The following BRCC3 variants were observed in gnomAD, a reference collection of about 807,000 sequenced individuals.
The protein encoded by BRCC3 is lys-63-specific deubiquitinase BRCC36.
Under a neutral mutation model 28.0 loss-of-function variants are expected in BRCC3, and 15 were observed. That is an observed-to-expected ratio of 0.54 (90% CI 0.36 to 0.82). The LOEUF is 0.82. Ranked by LOEUF, BRCC3 falls within the 40% of genes least tolerant of loss-of-function variation. The pLI, the probability that BRCC3 is intolerant of heterozygous loss-of-function variation, is 0.01. For synonymous variants in BRCC3, 66 were observed against 80.3 expected, an observed-to-expected ratio of 0.82 and a Z score of 0.95; for missense variants, 109 against 225.9, an observed-to-expected ratio of 0.48 and a Z score of 3.32.
intron 9 of BRCC3, among the ~76,000 whole-genome samples, chrX:155,118,345 T>C (rs1476073470): frequency 9.0e-6 from 1 of 111,620 alleles, no homozygotes; most frequent in Non-Finnish European, 1.9e-5. Flanking sequence ...TGGTTCCAAA[T>C]TCAAGAATAA....
At chrX:155,080,759 C>T (rs1209285148) in intron 5 of BRCC3, among the ~76,000 whole-genome samples, 2 of 111,956 alleles carry the variant, frequency 1.8e-5, no homozygotes, top group Admixed American at 1.9e-4. Flanking sequence ...TTTAACTTGT[C>T]TATGCCTCTG....
At chrX:155,086,793 A>AGCT (rs1557294946) in intron 5 of BRCC3, among the ~76,000 whole-genome samples, 1 of 112,024 alleles carries the variant, frequency 8.9e-6, no homozygotes, top group East Asian at 2.8e-4. Flanking sequence ...CACTTTATAT[A>AGCT]GCTGATCGTC....
chrX:155,075,291 C>CCCCTGGTTTTGCCTTCTTTGTCTTCCT (rs2074026690), intron 3 of BRCC3, among the ~76,000 whole-genome samples: 1 of 105,281 alleles, frequency 9.5e-6, no homozygotes, highest in Non-Finnish European at 2.0e-5. Context: ...CCCACTCTTT[C>CCCCTGGTTTTGCCTTCTTTGTCTTCCT]CCCTGGCCCT....
At chrX:155,113,922 C>T (rs2074338200) in intron 7 of BRCC3, among the ~76,000 whole-genome samples, 1 of 111,239 alleles carries the variant, frequency 9.0e-6, no homozygotes, top group Non-Finnish European at 1.9e-5. Context: ...AATGAGATAC[C>T]ACCTCACACC....
chrX:155,119,941 C>A, intron 9 of BRCC3, 58 bp from the exon 10 acceptor site: 4 of 1,057,765 alleles, frequency 3.8e-6, no homozygotes, highest in Non-Finnish European at 5.1e-6. Flanking sequence ...AGAGTGGAAA[C>A]ATGCTAGTGG....
chrX:155,093,622 T>TATCCAATTTA (rs1415811002), intron 7 of BRCC3, among the ~76,000 whole-genome samples: 1 of 105,645 alleles, frequency 9.5e-6, no homozygotes, highest in Non-Finnish European at 2.0e-5. Flanking sequence ...TGAGACAGGA[T>TATCCAATTTA]TCTATTGGAT....
At chrX:155,112,921 C>T (rs376913692) in intron 7 of BRCC3, among the ~76,000 whole-genome samples, 9 of 110,843 alleles carry the variant, frequency 8.1e-5, no homozygotes, top group African/African-American at 2.9e-4. Context: ...AATAATTAGG[C>T]ATAAACTTAA....
intron 7 of BRCC3, among the ~76,000 whole-genome samples, chrX:155,102,675 T>G (rs1396247360): frequency 8.9e-6 from 1 of 112,098 alleles, no homozygotes; most frequent in Non-Finnish European, 1.9e-5. Flanking sequence ...TTTGGAGAAA[T>G]CATTTACTCT....
chrX:155,093,265 A>G (rs984143260), intron 7 of BRCC3, among the ~76,000 whole-genome samples: 6 of 110,934 alleles, frequency 5.4e-5, no homozygotes, highest in Admixed American at 1.9e-4. Flanking sequence ...TCCACAACCT[A>G]CCTAGTTCCT....
chrX:155,114,536 C>T (rs1291725590), intron 7 of BRCC3, among the ~76,000 whole-genome samples: 2 of 109,406 alleles, frequency 1.8e-5, no homozygotes, highest in African/African-American at 6.7e-5. Flanking sequence ...CATTACTGAA[C>T]TGTACACTTA....
intron 7 of BRCC3, among the ~76,000 whole-genome samples, chrX:155,115,560 TC>T (rs2074349102): frequency 1.8e-5 from 2 of 112,083 alleles, no homozygotes; most frequent in Non-Finnish European, 1.9e-5. Context: ...CTTACCTATT[TC>T]CCCCCAGGGG....
At position 155,095,295 on chromosome X, in the gene BRCC3, T is replaced by C. The variant is rs2074202374; in HGVS notation, c.548+4456T>C. The stretch of plus-strand genomic sequence containing the variant: ...TTGAAGAAAGAAAAAATTTAGTTTT[T>C]ATTGTTATTTATTTATTTTTTTGTG... On this transcript the variant is annotated intron_variant, in intron 7 of 10. Transcript: ENST00000330045. Among the ~76,000 whole-genome samples the C allele has an allele frequency of 4.5e-5, 5 of 111,834 alleles. No individual in the cohort carries two copies. In the South Asian group the frequency reaches 1.5e-3, roughly 33 times the overall value.
chrX:155,081,921 G>A lies in BRCC3; in HGVS notation c.403+3218G>A, dbSNP rs782458845. Among the ~76,000 whole-genome samples the A allele has an allele frequency of 3.6e-5, 4 of 111,487 alleles. No individual in the cohort carries two copies. In the South Asian group the frequency reaches 1.5e-3, roughly 42 times the overall value. ...TTGGGGGGAAAACAGAGTACTAAAGGGAAAACAATGAGTAACATGATAAAG... is the reference window on the plus strand; with the variant it reads ...TTGGGGGGAAAACAGAGTACTAAAGAGAAAACAATGAGTAACATGATAAAG... On this transcript the variant is annotated intron_variant, in intron 5 of 10. Transcript: ENST00000330045.
intron 7 of BRCC3, 127 bp from the exon 8 acceptor site, chrX:155,115,930 A>G (rs930713113): frequency 2.5e-5 from 17 of 678,411 alleles, no homozygotes; most frequent in South Asian, 1.5e-4. Context: ...TTGCATCACT[A>G]AATGAATTAC....
At position 155,078,865 on chromosome X, in the gene BRCC3, T is replaced by C. The variant is rs1433601066; in HGVS notation, c.403+162T>C. ...ATTATGTATTAAAAGTAATGATTTA[T>C]GTCATATTGATTGTTTTTAATAAGT... On this transcript the variant is annotated intron_variant, in intron 5 of 10. Coordinates refer to ENST00000330045, the MANE Select transcript of BRCC3 (RefSeq NM_001018055.3). 3.4e-5 allele frequency: 13 copies of C among 380,684 alleles called. No individual in the cohort carries two copies. In the South Asian group the frequency reaches 7.9e-4, roughly 23 times the overall value. The allele number at this position is 380,684 out of a possible 1,213,427, so 31.4% of individuals were successfully genotyped here.
chrX:155,091,747 TTAAA>T (rs2074176780), intron 7 of BRCC3, among the ~76,000 whole-genome samples: 1 of 109,497 alleles, frequency 9.1e-6, no homozygotes, highest in South Asian at 3.9e-4. Context: ...ACAGAACTGA[TTAAA>T]TAAATTATAA....
chrX:155,104,661 C>G (rs782464698), intron 7 of BRCC3, among the ~76,000 whole-genome samples: 5 of 112,757 alleles, frequency 4.4e-5, no homozygotes, highest in African/African-American at 1.3e-4. Flanking sequence ...TTTCTCAACT[C>G]GGCATCTGCC....
At chrX:155,073,493 A>C in intron 3 of BRCC3, 62 bp downstream of exon 3, 1 of 1,114,327 alleles carries the variant, frequency 9.0e-7, no homozygotes, top group African/African-American at 1.8e-5. Flanking sequence ...TCTGTAATCC[A>C]GTGATCTCAG....
intron 7 of BRCC3, among the ~76,000 whole-genome samples, chrX:155,114,809 A>G (rs1237784932): frequency 1.8e-5 from 2 of 111,324 alleles, no homozygotes; most frequent in Non-Finnish European, 3.8e-5. Flanking sequence ...ATTTTAATTT[A>G]CATGTAATTG....
Sources: allele counts gnomAD v4.1 joint callset (sites outside exome capture counted in the v4.1 genomes callset), GRCh38; gene constraint gnomAD v4.1.1; transcripts MANE v1.5; gene names NCBI Gene and HGNC (gene_info 2026-07-23, HGNC 2026-07-21).